ARSG: variants seen among roughly 807,000 people sequenced by gnomAD.
ARSG encodes arylsulfatase G.
Under a neutral mutation model 50.5 loss-of-function variants are expected in ARSG, and 37 were observed. That is an observed-to-expected ratio of 0.73 (90% CI 0.56 to 0.96). The LOEUF (loss-of-function observed/expected upper bound fraction) is 0.96. Ranked by LOEUF, ARSG falls within the 50% of genes least tolerant of loss-of-function variation. ARSG has a pLI of 0.00. For missense variants in ARSG, 629 were observed against 675.3 expected (o/e 0.93, Z 0.76); for synonymous variants, 225 against 254.6 (o/e 0.88, Z 1.11).
chr17:68,362,050 T>G (rs886563497), intron 6 of ARSG, among the ~76,000 whole-genome samples: 2 of 152,198 alleles, frequency 1.3e-5, no homozygotes, highest in African/African-American at 4.8e-5. Flanking sequence ...CCTAGCAGGC[T>G]AAGACACAGG....
chr17:68,268,901 CAA>C (rs879950263), intron 1 of ARSG: 448 of 999,080 alleles, frequency 4.5e-4, no homozygotes, highest in East Asian at 8.8e-4. Flanking sequence ...TAAAAACAAG[CAA>C]AAAAAAAAAG....
rs889551565 is a variant in ARSG, at chr17:68,395,238, C to G, written c.1212+45C>G. Reference sequence around the variant, plus strand: ...GCCCACATGTAGGCTCTTTAGGAGGCTGGTCTGCTGCCTCTCACCTCTGTG... The same window carrying G: ...GCCCACATGTAGGCTCTTTAGGAGGGTGGTCTGCTGCCTCTCACCTCTGTG... On this transcript the variant is annotated intron_variant, in intron 10 of 11. Coordinates refer to ENST00000621439, the MANE Select transcript of ARSG (RefSeq NM_001267727.2). 2.5e-6 allele frequency: 4 copies of G among 1,606,434 alleles called. No homozygotes were observed. In the African/African-American group the frequency reaches 4.0e-5, roughly 16 times the overall value.
Position 68,320,038 on chromosome 17 carries a change from A to T in ARSG, c.218+12327A>T, listed in dbSNP as rs184685037. 2.0e-3 allele frequency among the ~76,000 whole-genome samples: 298 copies of T among 152,254 alleles called. 3 individuals are homozygous for T. The highest frequency in any genetic ancestry group is 2.9e-3 in the Non-Finnish European group (195 of 68,002). ...GCGGTGGCTGACGCCTGTAATCCAA[A>T]CACTTTGGGAGGCCAAGGTGGGCAG... On this transcript the variant is annotated intron_variant, in intron 2 of 11. Transcript: ENST00000621439.
At chr17:68,437,014 A>ATGTGTG in the ARSG span, among the ~76,000 whole-genome samples, 566 of 82,134 alleles carry the variant, frequency 6.9e-3, 5 homozygotes, top group African/African-American at 0.024. Context: ...AAATATATAT[A>ATGTGTG]TATGTGTGTG....
intron 1 of ARSG, among the ~76,000 whole-genome samples, chr17:68,305,948 G>A (rs2076589417): frequency 6.6e-6 from 1 of 151,264 alleles, no homozygotes; most frequent in Middle Eastern, 3.4e-3. Context: ...GTGTTGGTGG[G>A]CACCTGTAAT....
downstream of ARSG, chr17:68,427,100 G>A: frequency 1.3e-6 from 2 of 1,552,328 alleles, no homozygotes; most frequent in Non-Finnish European, 1.8e-6. Context: ...GGTCACTGTT[G>A]GAGATGCTCC....
rs367881558 is a variant in ARSG, at chr17:68,356,816, C to G, written c.704+12C>G. The G allele has an allele frequency of 6.2e-7, 1 of 1,613,986 alleles. No individual in the cohort carries two copies. Among genetic ancestry groups the G allele is most frequent in the African/African-American group, 1.3e-5 (1 of 74,934 alleles). On this transcript the variant is annotated intron_variant, in intron 6 of 11. Transcript: ENST00000621439. Reference sequence around the variant, plus strand: ...ATCCAGCGTGCAAGGTGAGGAGTCTCCCTCCCTCCGCAGGGCCTCCCCCTG... The same window carrying G: ...ATCCAGCGTGCAAGGTGAGGAGTCTGCCTCCCTCCGCAGGGCCTCCCCCTG...
chr17:68,351,711 A>C, intron 5 of ARSG, 25 bp downstream of exon 5: 1 of 1,501,990 alleles, frequency 6.7e-7, no homozygotes, highest in Non-Finnish European at 9.3e-7. Flanking sequence ...CACATTTGCG[A>C]TAGGCTCCAG....
intron 2 of ARSG, among the ~76,000 whole-genome samples, chr17:68,312,019 C>T (rs1403992608): frequency 1.3e-5 from 2 of 152,030 alleles, no homozygotes; most frequent in Non-Finnish European, 2.9e-5. Context: ...AGGCTACTCT[C>T]GAACCCCTGA....
At chr17:68,276,956 A>G (rs1208890474) in intron 1 of ARSG, among the ~76,000 whole-genome samples, 1 of 152,166 alleles carries the variant, frequency 6.6e-6, no homozygotes, top group Non-Finnish European at 1.5e-5. Flanking sequence ...ATATTATGTA[A>G]TGATGAATCA....
At chr17:68,368,847 C>A in intron 7 of ARSG, 103 bp downstream of exon 7, 2 of 1,307,756 alleles carry the variant, frequency 1.5e-6, no homozygotes, top group Non-Finnish European at 2.1e-6. Context: ...TTTCATAGGT[C>A]AGGAGGCTTG....
rs1441406397 is a variant in ARSG at position 68,395,119 on chromosome 17, T to G, written c.1138T>G (p.Leu380Val). ...TGTGGTAGCCCTGGCCCAGGCCAGCTTACCTCAAGGACGGCGCTTTGATGG... is the reference window on the plus strand; with the variant it reads ...TGTGGTAGCCCTGGCCCAGGCCAGCGTACCTCAAGGACGGCGCTTTGATGG... ...PTVVALAQASLPQGRRFDGVD... is the reference protein window; with the variant it reads ...PTVVALAQASVPQGRRFDGVD... The change falls in exon 10 of 12, where the codon TTA becomes GTA. Residue 380 changes from leucine to valine, a missense_variant. Physicochemically the swap from Leu to Val is conservative, Grantham distance 32 (BLOSUM62 1). Coordinates refer to ENST00000621439, the MANE Select transcript of ARSG (RefSeq NM_001267727.2). 1 of 1,614,120 alleles carries G rather than the reference T, an allele frequency of 6.2e-7. No homozygotes were observed. The highest frequency in any genetic ancestry group is 1.7e-5 in the Admixed American group (1 of 60,016).
At chr17:68,330,426 G>A (rs1167380081) in intron 2 of ARSG, among the ~76,000 whole-genome samples, 3 of 152,122 alleles carry the variant, frequency 2.0e-5, no homozygotes, top group South Asian at 2.1e-4. Context: ...GTACAAGGTG[G>A]TGGTAGCTTG....
chr17:68,417,639 A>C (rs1245263663), intron 11 of ARSG, among the ~76,000 whole-genome samples: 1 of 138,756 alleles, frequency 7.2e-6, no homozygotes, highest in Non-Finnish European at 1.5e-5. Flanking sequence ...TTAAGTTGTG[A>C]TTGTTTCTAT....
At chr17:68,352,163 CAGAG>C (rs755040817) in intron 5 of ARSG, among the ~76,000 whole-genome samples, 14 of 44,526 alleles carry the variant, frequency 3.1e-4, no homozygotes, top group African/African-American at 5.9e-4. Flanking sequence ...GAGAGAGAGA[CAGAG>C]AGAGAGAGAG....
At chr17:68,435,602 T>C in the ARSG span, 5 of 1,612,702 alleles carry the variant, frequency 3.1e-6, no homozygotes, top group East Asian at 1.1e-4. Flanking sequence ...ACAGAGGTGT[T>C]GGTGGGAGTG....
At chr17:68,322,119 A>G (rs2077308840) in intron 2 of ARSG, among the ~76,000 whole-genome samples, 1 of 152,220 alleles carries the variant, frequency 6.6e-6, no homozygotes, top group Admixed American at 6.5e-5. Flanking sequence ...GAGCCCTGAA[A>G]GCATCCGCTT....
At chr17:68,276,382 T>C (rs1427859283) in intron 1 of ARSG, among the ~76,000 whole-genome samples, 1 of 152,206 alleles carries the variant, frequency 6.6e-6, no homozygotes, top group African/African-American at 2.4e-5. Context: ...ACTTCAGAGA[T>C]AACAGTTCCA....
intron 1 of ARSG, among the ~76,000 whole-genome samples, chr17:68,294,196 G>A (rs1555757344): frequency 6.6e-6 from 1 of 152,036 alleles, no homozygotes; most frequent in Admixed American, 6.6e-5. Flanking sequence ...CCTTTACAGT[G>A]GGCAAGACCA....
Sources: allele counts gnomAD v4.1 joint callset (sites outside exome capture counted in the v4.1 genomes callset), GRCh38; gene constraint gnomAD v4.1.1; transcripts MANE v1.5; gene names NCBI Gene and HGNC (gene_info 2026-07-23, HGNC 2026-07-21).